NOTCH2: variants seen among roughly 807,000 people sequenced by gnomAD.
The protein encoded by NOTCH2 is neurogenic locus notch homolog protein 2.
Under a neutral mutation model 235.8 loss-of-function variants are expected in NOTCH2, and 29 were observed. That is an observed-to-expected ratio of 0.12 (90% CI 0.09 to 0.17). The LOEUF is 0.17. Ranked by LOEUF, NOTCH2 falls within the 10% of genes least tolerant of loss-of-function variation. The pLI, the probability that NOTCH2 is intolerant of heterozygous loss-of-function variation, is 1.00. For synonymous variants in NOTCH2, 1,086 were observed against 1,141.5 expected (o/e 0.95, Z 0.98); for missense variants, 2,285 against 3,150.2 (o/e 0.73, Z 6.57).
chr1:120,006,704 A>T lies in NOTCH2; in HGVS notation c.156-1116T>A, dbSNP rs1458093377. Among the ~76,000 whole-genome samples the T allele has an allele frequency of 1.2e-3, 183 of 150,862 alleles. 4 individuals are homozygous for T. Among genetic ancestry groups the T allele is most frequent in the Non-Finnish European group, 4.3e-4 (29 of 67,776 alleles). ...AAAACTGAATCTAGTAGGCTGTTCC[A>T]CCATTACCTCAAAGATTACACATTT... On this transcript the variant is annotated intron_variant, in intron 2 of 33. Coordinates refer to ENST00000256646, the MANE Select transcript of NOTCH2 (RefSeq NM_024408.4).
chr1:120,069,626 T>A lies in NOTCH2; in HGVS notation c.-220A>T. 1 of 1,402,098 alleles carries A rather than the reference T, an allele frequency of 7.1e-7. No homozygotes were observed. Among genetic ancestry groups the A allele is most frequent in the South Asian group, 1.5e-5 (1 of 65,008 alleles). The allele number at this position is 1,402,098 out of a possible 1,614,324, so 86.9% of individuals were successfully genotyped here. A position where few individuals can be genotyped will look rare whatever the true frequency, so the allele number is the denominator to read the frequency against. The stretch of plus-strand genomic sequence containing the variant: ...GCCGCCTCAGCCGCCGCCCGAAGTT[T>A]GGCTGAAACTTTCTCGGGTGTGCAA... On this transcript the variant is annotated 5_prime_UTR_variant, in exon 1 of 34. Transcript: ENST00000256646.
chr1:119,937,217 C>T, intron 21 of NOTCH2, 65 bp downstream of exon 21: 2 of 1,477,766 alleles, frequency 1.4e-6, no homozygotes, highest in South Asian at 2.3e-5. Context: ...TTCAATATAT[C>T]AGTGCTCAAA....
Position 119,916,676 on chromosome 1 carries a change from G to A in NOTCH2, c.6046C>T (p.Leu2016Phe). The A allele has an allele frequency of 1.2e-6, 2 of 1,614,164 alleles. No individual in the cohort carries two copies. Among genetic ancestry groups the A allele is most frequent in the Non-Finnish European group, 1.7e-6 (2 of 1,180,034 alleles). Residue 2016 changes from leucine to phenylalanine, a missense_variant, in exon 34 of 34, where the codon CTT (leucine) becomes TTT (phenylalanine). Leu to Phe is a conservative substitution (Grantham distance 22). Coordinates refer to ENST00000256646, the MANE Select transcript of NOTCH2 (RefSeq NM_024408.4). ...QDNKEETPLF[L>F]AAREGSYEAA... ...TCATAGCTCCCCTCCCGGGCAGCAA[G>A]AAACAGAGGTGTCTCTTCCTACAGA...
At chr1:119,948,817 C>G (rs962511961) in intron 16 of NOTCH2, among the ~76,000 whole-genome samples, 190 bp downstream of exon 16, 1 of 152,062 alleles carries the variant, frequency 6.6e-6, no homozygotes, top group Non-Finnish European at 1.5e-5. Context: ...TAGGGGGCCC[C>G]GAAGACAAGG....
chr1:120,003,758 T>C (rs387652), intron 3 of NOTCH2, among the ~76,000 whole-genome samples: 1 of 151,866 alleles, frequency 6.6e-6, no homozygotes, highest in East Asian at 1.9e-4. Context: ...TAGAGACCAT[T>C]TGCCTAAAGG....
intron 17 of NOTCH2, among the ~76,000 whole-genome samples, chr1:119,947,433 GAAT>G (rs1650300002): frequency 1.3e-5 from 2 of 152,122 alleles, no homozygotes; most frequent in Non-Finnish European, 2.9e-5. Context: ...TTGGCAGAGA[GAAT>G]AATACAAATT....
At position 119,965,579 on chromosome 1, in the gene NOTCH2, C is replaced by T. The variant is rs782007642; in HGVS notation, c.1568-13G>A. ...GGCCCAGTGAAACCTCAAAAAGGGACAGTGGTAACATGAGTCAAAGGATTA... is the reference window on the plus strand; with the variant it reads ...GGCCCAGTGAAACCTCAAAAAGGGATAGTGGTAACATGAGTCAAAGGATTA... On this transcript the variant is annotated splice_polypyrimidine_tract_variant and intron_variant, in intron 9 of 33. Transcript: ENST00000256646. The T allele has an allele frequency of 2.6e-6, 4 of 1,528,458 alleles. No homozygotes were observed. Among genetic ancestry groups the T allele is most frequent in the Middle Eastern group, 1.7e-4 (1 of 5,920 alleles). The allele number at this position is 1,528,458 out of a possible 1,614,324, so 94.7% of individuals were successfully genotyped here.
chr1:119,933,337 G>C (rs148846581), intron 22 of NOTCH2, among the ~76,000 whole-genome samples: 2 of 152,334 alleles, frequency 1.3e-5, no homozygotes, highest in Non-Finnish European at 1.5e-5. Flanking sequence ...TATGGGACTT[G>C]AGAGTTTCCT....
chr1:119,953,736 T>C, intron 13 of NOTCH2, 48 bp from the exon 14 acceptor site: 1 of 1,535,716 alleles, frequency 6.5e-7, no homozygotes, highest in Non-Finnish European at 9.0e-7. Flanking sequence ...AACGTATGAT[T>C]GAGTCATAGA....
chr1:120,024,873 C>G (rs1373775812), intron 2 of NOTCH2, among the ~76,000 whole-genome samples: 1 of 150,580 alleles, frequency 6.6e-6, no homozygotes, highest in African/African-American at 2.4e-5. Context: ...TAACTTATAT[C>G]AGACTAGCCC....
intron 17 of NOTCH2, among the ~76,000 whole-genome samples, chr1:119,943,540 G>C (rs1650141818): frequency 6.6e-6 from 1 of 152,132 alleles, no homozygotes; most frequent in Non-Finnish European, 1.5e-5. Flanking sequence ...CTTGAAGTAA[G>C]ACTCTGAAGG....
In NOTCH2 at chr1:120,069,020, C is replaced by G. The variant is rs1288376748; in HGVS notation, c.73+314G>C. 21 of 1,361,014 alleles carry G rather than the reference C, an allele frequency of 1.5e-5. No homozygotes were observed. In the East Asian group the frequency reaches 6.2e-4, roughly 40 times the overall value. The allele number at this position is 1,361,014 out of a possible 1,614,324, so 84.3% of individuals were successfully genotyped here. ...ACGCGGAACCTGAAGGGCAAAACTG[C>G]CCACCTCCCTGCACCCTGGCACTAC... On this transcript the variant is annotated intron_variant, in intron 1 of 33. Transcript: ENST00000256646.
intron 1 of NOTCH2, among the ~76,000 whole-genome samples, chr1:120,047,644 AC>A (rs1400646964): frequency 7.0e-6 from 1 of 143,554 alleles, no homozygotes; most frequent in Non-Finnish European, 1.5e-5. Context: ...ACATCGCACC[AC>A]TGCCCTCCAG....
chr1:120,038,896 C>T (rs1553212299), intron 1 of NOTCH2, among the ~76,000 whole-genome samples: 1 of 151,832 alleles, frequency 6.6e-6, no homozygotes, highest in Non-Finnish European at 1.5e-5. Context: ...CTCTTAGCCT[C>T]CTATAAATCT....
intron 2 of NOTCH2, among the ~76,000 whole-genome samples, chr1:120,027,796 G>A (rs1165555169): frequency 6.7e-6 from 1 of 150,234 alleles, no homozygotes; most frequent in Non-Finnish European, 1.5e-5. Context: ...TCCCTGCAAA[G>A]GACATGAACT....
At chr1:119,926,471 C>T (rs1299964775) in intron 24 of NOTCH2, 28 bp downstream of exon 24, 2 of 1,490,892 alleles carry the variant, frequency 1.3e-6, no homozygotes, top group Non-Finnish European at 1.9e-6. Flanking sequence ...GACAATGCCC[C>T]TTCTTAGATG....
chr1:119,977,572 C>A (rs192808471), intron 5 of NOTCH2, among the ~76,000 whole-genome samples: 1 of 152,150 alleles, frequency 6.6e-6, no homozygotes, highest in African/African-American at 2.4e-5. Context: ...GGAGAAAGAG[C>A]GGGTTTTCTT....
chr1:120,014,012 A>C (rs1653317295), intron 2 of NOTCH2, among the ~76,000 whole-genome samples: 1 of 147,962 alleles, frequency 6.8e-6, no homozygotes. Context: ...AAAATCTAAC[A>C]GATGCCTTTC....
intron 31 of NOTCH2, among the ~76,000 whole-genome samples, chr1:119,918,793 T>C (rs1202622767): frequency 6.6e-6 from 1 of 152,228 alleles, no homozygotes; most frequent in Non-Finnish European, 1.5e-5. Flanking sequence ...GCCTTCTACT[T>C]TCTCAGGAAA....
Sources: allele counts gnomAD v4.1 joint callset (sites outside exome capture counted in the v4.1 genomes callset), GRCh38; gene constraint gnomAD v4.1.1; transcripts MANE v1.5; gene names NCBI Gene and HGNC (gene_info 2026-07-23, HGNC 2026-07-21).